ESR2: variants seen among roughly 807,000 people sequenced by gnomAD.
The protein encoded by ESR2 is estrogen receptor 2.
ESR2 carries 36 observed loss-of-function variants against 49.6 expected under a neutral mutation model. The ratio of observed to expected loss-of-function variants is 0.73; its 90% confidence interval spans 0.56 to 0.96. The LOEUF is 0.96. Among genes scored for constraint, ESR2 ranks in the 40% least tolerant of loss-of-function variants. The pLI is 0.00. For synonymous variants in ESR2, 320 were observed against 266.1 expected (o/e 1.20, Z -1.97); for missense variants, 714 against 693.0 (o/e 1.03, Z -0.34).
At chr14:64,282,447 T>C (rs1199641723) in intron 2 of ESR2, among the ~76,000 whole-genome samples, 177 bp downstream of exon 2, 1 of 152,240 alleles carries the variant, frequency 6.6e-6, no homozygotes, top group African/African-American at 2.4e-5. Context: ...TACCAGTTTT[T>C]AATGAGAACT....
intron 4 of ESR2, among the ~76,000 whole-genome samples, chr14:64,267,901 G>T (rs1445618508): frequency 7.0e-6 from 1 of 142,830 alleles, no homozygotes; most frequent in African/African-American, 2.6e-5. Context: ...AAAAAAAAAA[G>T]AAATTGTCAG....
intron 1 of ESR2, among the ~76,000 whole-genome samples, chr14:64,302,633 G>A (rs2077039560): frequency 2.0e-5 from 3 of 152,084 alleles, no homozygotes; most frequent in Admixed American, 2.0e-4. Flanking sequence ...AGGAAACATT[G>A]CTTTAAGCAT....
intron 4 of ESR2, among the ~76,000 whole-genome samples, chr14:64,266,438 C>A (rs1368258387): frequency 6.6e-6 from 1 of 152,228 alleles, no homozygotes; most frequent in Non-Finnish European, 1.5e-5. Flanking sequence ...TGGGATCCAA[C>A]CTCCATGCTC....
rs181193623 is a variant in ESR2, at chr14:64,229,750, G to C, written c.*3387C>G. Among the ~76,000 whole-genome samples, 1 of 152,172 alleles carries C rather than the reference G, an allele frequency of 6.6e-6. No homozygotes were observed. The highest frequency in any genetic ancestry group is 1.5e-5 in the Non-Finnish European group (1 of 68,038). ...GTCTAGTTCCACAACCAGAAAATAA[G>C]GAAATAGCAGTTATTATAATAAGGA... is the stretch of plus-strand genomic sequence containing the variant. On this transcript the variant is annotated 3_prime_UTR_variant, in exon 9 of 9. Transcript: ENST00000341099.
chr14:64,238,359 G>C (rs938930814), intron 7 of ESR2, among the ~76,000 whole-genome samples: 9 of 152,128 alleles, frequency 5.9e-5, no homozygotes, highest in Admixed American at 3.3e-4. Flanking sequence ...GGTGGGGTAG[G>C]GGGGCAGTGT....
At chr14:64,280,227 G>A (rs938070165) in intron 2 of ESR2, 74 bp from the exon 3 acceptor site, 2 of 972,532 alleles carry the variant, frequency 2.1e-6, no homozygotes, top group South Asian at 1.4e-5. Context: ...AAAAAAAATA[G>A]CATGAACATT....
chr14:64,238,001 G>A (rs2075641833), intron 7 of ESR2, among the ~76,000 whole-genome samples: 1 of 152,032 alleles, frequency 6.6e-6, no homozygotes, highest in Non-Finnish European at 1.5e-5. Context: ...ACATTGAACT[G>A]TATACTTAAT....
In ESR2 at chr14:64,279,990, T is replaced by C; in HGVS notation, c.526A>G (p.Ser176Gly). Residue 176 changes from serine to glycine, a missense_variant, in exon 3 of 9, where the codon AGC becomes GGC. Coordinates refer to ENST00000341099, the MANE Select transcript of ESR2 (RefSeq NM_001437.3). ...CEGCKAFFKRSIQGHNDYICP... is the reference protein window; with the variant it reads ...CEGCKAFFKRGIQGHNDYICP... Reference sequence around the variant, plus strand: ...AACAATTCTCTTGTACCTTGAATGCTTCTTTTAAAAAAGGCCTTACATCCT... The same window carrying C: ...AACAATTCTCTTGTACCTTGAATGCCTCTTTTAAAAAAGGCCTTACATCCT... 6.2e-7 allele frequency: 1 copy of C among 1,613,504 alleles called. No homozygotes were observed. Among genetic ancestry groups the C allele is most frequent in the Non-Finnish European group, 8.5e-7 (1 of 1,179,492 alleles).
intron 3 of ESR2, among the ~76,000 whole-genome samples, chr14:64,273,575 CCTTCATTCTGTCGATATGGTGCAT>C (rs142283902): frequency 0.061 from 9,338 of 152,194 alleles, 697 homozygotes; most frequent in African/African-American, 0.17. Context: ...TGGTTTTCCA[CCTTCATTCTGTCGATATGGTGCAT>C]CAAATTAATT....
chr14:64,254,821 C>T lies in ESR2; in HGVS notation c.1091+2405G>A, dbSNP rs369751197. On this transcript the variant is annotated intron_variant, in intron 6 of 8. Coordinates refer to ENST00000341099, the MANE Select transcript of ESR2 (RefSeq NM_001437.3). The stretch of plus-strand genomic sequence containing the variant: ...GCAACAACAAATAAACACCAGTAGT[C>T]ATTCCAAAAAAAAAAAAAAATGCCT... 5.2e-3 allele frequency among the ~76,000 whole-genome samples: 644 copies of T among 123,608 alleles called. 1 individual carries two copies. Among genetic ancestry groups the T allele is most frequent in the Middle Eastern group, 0.013 (3 of 226 alleles). The allele number at this position is 123,608 out of a possible 152,430, so 81.1% of individuals were successfully genotyped here.
At chr14:64,330,532 A>C (rs1266554803) in intron 1 of ESR2, 1 of 152,096 alleles carries the variant, frequency 6.6e-6, no homozygotes, top group Admixed American at 6.5e-5. Flanking sequence ...TCAATGTTGA[A>C]GTTCAAGTCC....
chr14:64,271,407 C>T (rs140229117), intron 3 of ESR2, among the ~76,000 whole-genome samples: 472 of 152,322 alleles, frequency 3.1e-3, no homozygotes, highest in Non-Finnish European at 4.9e-3. Flanking sequence ...CTCACTGCAA[C>T]CTCCACCTCC....
intron 1 of ESR2, among the ~76,000 whole-genome samples, chr14:64,315,231 G>A (rs1181595904): frequency 7.8e-6 from 1 of 128,426 alleles, no homozygotes; most frequent in African/African-American, 3.0e-5. Flanking sequence ...GCAACAGAGC[G>A]AGAGTCTGTC....
At position 64,283,050 on chromosome 14, in the gene ESR2, CAA is replaced by C; in HGVS notation, c.-67_-66del. 6.6e-7 allele frequency: 1 copy of C among 1,513,278 alleles called. No homozygotes were observed. The highest frequency in any genetic ancestry group is 2.3e-5 in the East Asian group (1 of 44,036). The allele number at this position is 1,513,278 out of a possible 1,614,324, so 93.7% of individuals were successfully genotyped here. On this transcript the variant is annotated 5_prime_UTR_variant, in exon 2 of 9. Coordinates refer to ENST00000341099, the MANE Select transcript of ESR2 (RefSeq NM_001437.3). Reference sequence around the variant, plus strand: ...GGCACAAAGGTCATTATAATGTTCTCAAAGATTCGTGGGCAAGTATAATGGCT... The same window carrying C: ...GGCACAAAGGTCATTATAATGTTCTCAGATTCGTGGGCAAGTATAATGGCT...
chr14:64,262,577 T>A (rs1409266864), intron 4 of ESR2, among the ~76,000 whole-genome samples: 1 of 150,152 alleles, frequency 6.7e-6, no homozygotes, highest in African/African-American at 2.4e-5. Context: ...TTACAAAACA[T>A]AAACGTCATT....
chr14:64,322,579 A>G (rs2077338191), intron 1 of ESR2, among the ~76,000 whole-genome samples: 1 of 152,002 alleles, frequency 6.6e-6, no homozygotes, highest in Non-Finnish European at 1.5e-5. Context: ...GTAAATTACA[A>G]TAATAATGAG....
At chr14:64,324,264 AT>A (rs2077363231) in intron 1 of ESR2, among the ~76,000 whole-genome samples, 1 of 152,214 alleles carries the variant, frequency 6.6e-6, no homozygotes, top group Non-Finnish European at 1.5e-5. Flanking sequence ...TCCATATTAT[AT>A]TGATGGTTTT....
At chr14:64,273,261 C>T (rs2076485629) in intron 3 of ESR2, among the ~76,000 whole-genome samples, 1 of 152,108 alleles carries the variant, frequency 6.6e-6, no homozygotes, top group Admixed American at 6.6e-5. Context: ...CATCAGCAAA[C>T]TAGGATAATT....
chr14:64,249,802 T>A, intron 6 of ESR2, 123 bp from the exon 7 acceptor site: 4 of 967,606 alleles, frequency 4.1e-6, no homozygotes, highest in Non-Finnish European at 6.1e-6. Context: ...GATAATATCA[T>A]TTTAACTACA....
Sources: gnomAD v4.1 joint callset for allele counts (sites outside exome capture counted in the v4.1 genomes callset) on GRCh38, gnomAD v4.1.1 for gene constraint, MANE v1.5 for transcripts, NCBI Gene and HGNC (gene_info 2026-07-23, HGNC 2026-07-21) for gene names.